ANK2: variants seen among roughly 807,000 people sequenced by gnomAD.
ANK2 encodes ankyrin-2.
A neutral mutation model predicts 360.5 loss-of-function variants in ANK2; 83 were observed. The ratio of observed to expected loss-of-function variants is 0.23; its 90% CI spans 0.19 to 0.28. ANK2 has a LOEUF of 0.28. Ranked by LOEUF, ANK2 falls within the 10% of genes least tolerant of loss-of-function variation. ANK2 has a pLI of 1.00. For missense variants in ANK2, 4,201 were observed against 4,795.7 expected (o/e 0.88, Z 3.66); for synonymous variants, 1,740 against 1,759.5 (o/e 0.99, Z 0.28).
intron 2 of ANK2, among the ~76,000 whole-genome samples, chr4:113,007,783 C>T (rs1462679990): frequency 6.6e-6 from 1 of 152,152 alleles, no homozygotes; most frequent in Non-Finnish European, 1.5e-5. Flanking sequence ...ACGTATTAGC[C>T]TTCTCACTAC....
chr4:113,049,757 G>A lies in ANK2; in HGVS notation c.29G>A (p.Ser10Asn). 3.1e-6 allele frequency: 5 copies of A among 1,613,806 alleles called. No individual in the cohort carries two copies. Among genetic ancestry groups the A allele is most frequent in the Non-Finnish European group, 4.2e-6 (5 of 1,179,822 alleles). MMNEDAAQK[S>N]DSGEKFNGSS... The stretch of plus-strand genomic sequence containing the variant: ...ATGAACGAAGATGCAGCTCAGAAAA[G>A]CGACAGTGGAGAGAAGTTCAACGGC... Residue 10 changes from serine (S) to asparagine (N), a missense_variant, in exon 1 of 46, where the codon AGC becomes AAC. By Grantham distance (46) the Ser-to-Asn change is conservative. Coordinates refer to ENST00000357077, the MANE Select transcript of ANK2 (RefSeq NM_001148.6).
intron 2 of ANK2, among the ~76,000 whole-genome samples, chr4:113,032,673 A>T (rs1385902669): frequency 6.6e-6 from 1 of 152,090 alleles, no homozygotes; most frequent in Non-Finnish European, 1.5e-5. Flanking sequence ...CCAGTGAAAG[A>T]TTTAAAAATC....
chr4:112,746,559 C>T, the ANK2 span, among the ~76,000 whole-genome samples: 1 of 151,326 alleles, frequency 6.6e-6, no homozygotes, highest in East Asian at 1.9e-4. Context: ...TACAGACCTC[C>T]TCCTAACATG....
At chr4:113,111,623 G>C (rs1002485963) in intron 1 of ANK2, among the ~76,000 whole-genome samples, 2 of 152,116 alleles carry the variant, frequency 1.3e-5, no homozygotes, top group African/African-American at 4.8e-5. Context: ...AATAAATAGA[G>C]GAGTTAGATA....
At chr4:112,744,972 C>T in the ANK2 span, among the ~76,000 whole-genome samples, 1 of 152,264 alleles carries the variant, frequency 6.6e-6, no homozygotes, top group South Asian at 2.1e-4. Flanking sequence ...TTGTCATTTT[C>T]TATTGGTGTT....
chr4:112,891,049 A>C (rs1163394194), intron 1 of ANK2, among the ~76,000 whole-genome samples: 2 of 152,146 alleles, frequency 1.3e-5, no homozygotes, highest in African/African-American at 4.8e-5. Context: ...CCAGGTGTAA[A>C]GTTACTGTTC....
the ANK2 span, among the ~76,000 whole-genome samples, chr4:112,800,426 T>G: frequency 6.6e-6 from 1 of 152,182 alleles, no homozygotes; most frequent in Admixed American, 6.5e-5. Flanking sequence ...TATGATATAT[T>G]TATACCTCAC....
At chr4:112,850,429 G>T in intron 1 of ANK2, among the ~76,000 whole-genome samples, 1 of 116,936 alleles carries the variant, frequency 8.6e-6, no homozygotes, top group Non-Finnish European at 1.7e-5. Context: ...CAGGGTTTAA[G>T]AGTTGTTGTT....
At position 113,184,516 on chromosome 4, in the gene ANK2, C is replaced by T. The variant is rs2098476942; in HGVS notation, c.186+9999C>T. ...AGATCTTAATGCAAATATGCACTCA[C>T]TGCAATTCTTCCAGTATGCACTACA... On this transcript the variant is annotated intron_variant, in intron 2 of 45. Transcript: ENST00000357077. Among the ~76,000 whole-genome samples the T allele has an allele frequency of 2.6e-5, 4 of 152,134 alleles. 1 individual carries two copies. In the South Asian group the frequency reaches 8.3e-4, roughly 31 times the overall value.
At chr4:113,283,178 A>G (rs2063065314) in intron 18 of ANK2, among the ~76,000 whole-genome samples, 1 of 152,180 alleles carries the variant, frequency 6.6e-6, no homozygotes, top group Non-Finnish European at 1.5e-5. Context: ...GCTACCCTGT[A>G]GCTCCCAATG....
chr4:112,912,488 G>T (rs865802631), intron 2 of ANK2, among the ~76,000 whole-genome samples: 1 of 151,816 alleles, frequency 6.6e-6, no homozygotes, highest in Non-Finnish European at 1.5e-5. Context: ...GTGGGGTAAG[G>T]GGTGGTGTAT....
intron 34 of ANK2, among the ~76,000 whole-genome samples, chr4:113,344,802 G>A (rs1340435213): frequency 6.6e-6 from 1 of 152,076 alleles, no homozygotes; most frequent in African/African-American, 2.4e-5. Flanking sequence ...AGGTACCTAG[G>A]GTAGTCAAAT....
chr4:113,039,661 A>G (rs75860997), intron 2 of ANK2, among the ~76,000 whole-genome samples: 3,888 of 152,102 alleles, frequency 0.026, 152 homozygotes, highest in African/African-American at 0.088. Context: ...TGAATTAGGA[A>G]TAAGAAAACT....
chr4:112,961,747 A>T (rs969739060), intron 2 of ANK2, among the ~76,000 whole-genome samples: 6 of 152,138 alleles, frequency 3.9e-5, no homozygotes, highest in Non-Finnish European at 8.8e-5. Flanking sequence ...AGATCTTCAG[A>T]TGAAAATTGC....
At chr4:112,791,074 A>C in the ANK2 span, among the ~76,000 whole-genome samples, 2 of 152,198 alleles carry the variant, frequency 1.3e-5, no homozygotes, top group African/African-American at 2.4e-5. Flanking sequence ...AGTTAAGTTT[A>C]TTTCATGTGG....
chr4:112,920,885 T>G (rs2091296355), intron 2 of ANK2, among the ~76,000 whole-genome samples: 1 of 152,156 alleles, frequency 6.6e-6, no homozygotes, highest in South Asian at 2.1e-4. Context: ...TAGAAAATAG[T>G]TAAATATTAT....
At chr4:113,127,714 A>G (rs1174397878) in intron 1 of ANK2, among the ~76,000 whole-genome samples, 1 of 152,158 alleles carries the variant, frequency 6.6e-6, no homozygotes, top group African/African-American at 2.4e-5. Context: ...TACAGAGCAA[A>G]GAAGTAGCTG....
chr4:113,202,266 TTTGAGTTCCTCCACAGATG>T (rs1419430894), intron 4 of ANK2, among the ~76,000 whole-genome samples: 35 of 152,190 alleles, frequency 2.3e-4, no homozygotes, highest in Non-Finnish European at 4.1e-4. Context: ...TGAGGGCTGA[TTTGAGTTCCTCCACAGATG>T]TTATTTCCCT....
chr4:112,928,324 TAAAAATAGTATGGTACTATA>T (rs1422650190), intron 2 of ANK2, among the ~76,000 whole-genome samples: 1 of 152,136 alleles, frequency 6.6e-6, no homozygotes, highest in African/African-American at 2.4e-5. Context: ...TATGGTACTA[TAAAAATAGTATGGTACTATA>T]AAAAATAGTA....
Sources: gnomAD v4.1 joint callset for allele counts (sites outside exome capture counted in the v4.1 genomes callset) on GRCh38, gnomAD v4.1.1 for gene constraint, MANE v1.5 for transcripts, NCBI Gene and HGNC (gene_info 2026-07-23, HGNC 2026-07-21) for gene names.